Variants in VOPP1 observed in about 807,000 individuals in gnomAD.
VOPP1 encodes the protein WW domain binding protein VOPP1.
Under a neutral mutation model 23.5 loss-of-function variants are expected in VOPP1, and 8 were observed. The observed-to-expected ratio is 0.34, with a 90% CI of 0.20 to 0.61. VOPP1 has a LOEUF of 0.61. Ranked by LOEUF, VOPP1 falls within the 20% of genes least tolerant of loss-of-function variation. VOPP1 has a pLI of 0.78. For missense variants in VOPP1, 174 were observed against 238.1 expected (o/e 0.73, Z 1.77); for synonymous variants, 83 against 97.3 (o/e 0.85, Z 0.86).
At chr7:55,448,736 T>C (rs1021937094) in intron 4 of VOPP1, among the ~76,000 whole-genome samples, 4 of 152,172 alleles carry the variant, frequency 2.6e-5, no homozygotes, top group South Asian at 2.1e-4. Context: ...CCTATTCCAG[T>C]GCCCAGCGCG....
chr7:55,518,247 C>T (rs559745953), intron 2 of VOPP1, among the ~76,000 whole-genome samples: 28 of 152,330 alleles, frequency 1.8e-4, no homozygotes, highest in African/African-American at 6.7e-4. Flanking sequence ...AAGGCTGGTG[C>T]TAGGCAGAGG....
intron 1 of VOPP1, among the ~76,000 whole-genome samples, chr7:55,531,188 T>C (rs1261714567): frequency 6.6e-6 from 1 of 152,232 alleles, no homozygotes; most frequent in Non-Finnish European, 1.5e-5. Flanking sequence ...GGAGACTTCA[T>C]TAGAATAGCC....
intron 1 of VOPP1, among the ~76,000 whole-genome samples, chr7:55,563,889 A>G (rs1001760178): frequency 6.6e-6 from 1 of 152,248 alleles, no homozygotes; most frequent in South Asian, 2.1e-4. Context: ...TCCCTAAAAG[A>G]GTATAAGAGC....
intron 4 of VOPP1, among the ~76,000 whole-genome samples, chr7:55,453,267 A>C (rs371674692): frequency 6.6e-6 from 1 of 152,332 alleles, no homozygotes; most frequent in South Asian, 2.1e-4. Flanking sequence ...ATTGAAGACT[A>C]TATCAGCATT....
At chr7:55,438,240 TTAATTTA>T (rs1276660850) in intron 4 of VOPP1, among the ~76,000 whole-genome samples, 1 of 152,078 alleles carries the variant, frequency 6.6e-6, no homozygotes, top group Non-Finnish European at 1.5e-5. Flanking sequence ...TCCGAGGATG[TTAATTTA>T]TCCAACTGGT....
At chr7:55,481,371 T>C (rs1792698879) in intron 4 of VOPP1, among the ~76,000 whole-genome samples, 1 of 152,226 alleles carries the variant, frequency 6.6e-6, no homozygotes, top group Non-Finnish European at 1.5e-5. Context: ...AAGCCCTGGC[T>C]CCTGCTGTGA....
At chr7:55,493,283 A>G (rs987922468) in intron 3 of VOPP1, 1 of 152,222 alleles carries the variant, frequency 6.6e-6, no homozygotes, top group African/African-American at 2.4e-5. Context: ...ACTCTTGCCC[A>G]TCTCTGAACT....
intron 4 of VOPP1, among the ~76,000 whole-genome samples, chr7:55,491,843 C>T (rs1488824134): frequency 6.6e-6 from 1 of 151,926 alleles, no homozygotes; most frequent in Non-Finnish European, 1.5e-5. Flanking sequence ...GAATAAAAGA[C>T]AAAACATGAG....
At chr7:55,464,212 T>C (rs758933052) in intron 4 of VOPP1, among the ~76,000 whole-genome samples, 1 of 152,150 alleles carries the variant, frequency 6.6e-6, no homozygotes, top group African/African-American at 2.4e-5. Context: ...GAAGGTGGGA[T>C]AGGCTGATCC....
intron 4 of VOPP1, among the ~76,000 whole-genome samples, chr7:55,446,740 ATTATG>A (rs767988624): frequency 3.3e-5 from 5 of 152,218 alleles, no homozygotes; most frequent in Admixed American, 1.3e-4. Context: ...CAATCATAAA[ATTATG>A]TTATGAGTAT....
At chr7:55,480,869 A>T (rs772533601) in intron 4 of VOPP1, among the ~76,000 whole-genome samples, 2 of 152,008 alleles carry the variant, frequency 1.3e-5, no homozygotes, top group Non-Finnish European at 2.9e-5. Context: ...CAATGACAAA[A>T]ACTGAAAATC....
At chr7:55,521,965 G>C (rs1052024068) in intron 1 of VOPP1, 3 of 926,828 alleles carry the variant, frequency 3.2e-6, no homozygotes, top group Admixed American at 1.2e-4. Context: ...CTACTTCCAT[G>C]ATCTAGTTTA....
At chr7:55,534,405 A>G (rs1796664579) in intron 1 of VOPP1, among the ~76,000 whole-genome samples, 1 of 152,194 alleles carries the variant, frequency 6.6e-6, no homozygotes, top group African/African-American at 2.4e-5. Flanking sequence ...ACTTCCCCTG[A>G]AGGGCAGCTG....
chr7:55,541,361 G>A (rs1305527739), intron 1 of VOPP1, among the ~76,000 whole-genome samples: 1 of 152,154 alleles, frequency 6.6e-6, no homozygotes, highest in Non-Finnish European at 1.5e-5. Context: ...CAAATGAAAA[G>A]AAGCTCAACA....
chr7:55,564,294 C>T lies in VOPP1; in HGVS notation c.54+7977G>A, dbSNP rs549429787. Among the ~76,000 whole-genome samples the T allele has an allele frequency of 2.8e-4, 34 of 123,172 alleles. No homozygotes were observed. In the Middle Eastern group the frequency reaches 0.023, roughly 82 times the overall value. 80.8% of individuals were successfully genotyped at this position (123,172 alleles called of 152,430 possible). A position where few individuals can be genotyped will look rare whatever the true frequency, so the allele number is the denominator to read the frequency against. On this transcript the variant is annotated intron_variant, in intron 1 of 4. Coordinates refer to ENST00000285279, the MANE Select transcript of VOPP1 (RefSeq NM_030796.5). ...CTCGCTTGCTCTCTCTCACTCTCCT[C>T]TTCTCCCCACTCCCCATAAGGGTTT...
At chr7:55,475,122 G>A (rs1056153456) in intron 4 of VOPP1, among the ~76,000 whole-genome samples, 27 of 152,236 alleles carry the variant, frequency 1.8e-4, no homozygotes, top group Non-Finnish European at 7.3e-5. Context: ...CGCAGGGCAA[G>A]AGAAGGTGCC....
chr7:55,463,130 G>A (rs1791547796), intron 4 of VOPP1, among the ~76,000 whole-genome samples: 1 of 152,034 alleles, frequency 6.6e-6, no homozygotes, highest in African/African-American at 2.4e-5. Context: ...GATTTATTTT[G>A]TGGCCAAACA....
chr7:55,441,001 G>A (rs1159450115), intron 4 of VOPP1, among the ~76,000 whole-genome samples: 1 of 152,158 alleles, frequency 6.6e-6, no homozygotes, highest in Non-Finnish European at 1.5e-5. Context: ...TTTCTCGCAT[G>A]GAATTATTTT....
chr7:55,468,198 G>A (rs2129005223), downstream of VOPP1, among the ~76,000 whole-genome samples: 1 of 151,492 alleles, frequency 6.6e-6, no homozygotes, highest in Non-Finnish European at 1.5e-5. Flanking sequence ...TTGAACCCGG[G>A]AGGAGGAGGT....
Sources: allele counts gnomAD v4.1 joint callset (sites outside exome capture counted in the v4.1 genomes callset), GRCh38; gene constraint gnomAD v4.1.1; transcripts MANE v1.5; gene names NCBI Gene and HGNC (gene_info 2026-07-23, HGNC 2026-07-21).